The following ABLIM1 variants were observed in gnomAD, a reference collection of about 807,000 sequenced individuals.
ABLIM1 encodes the protein actin-binding LIM protein 1.
A neutral mutation model predicts 107.0 loss-of-function variants in ABLIM1; 40 were observed. That is an observed-to-expected ratio of 0.37 (90% confidence interval 0.29 to 0.49). ABLIM1 has a LOEUF of 0.49. Ranked by LOEUF, ABLIM1 falls within the 20% of genes least tolerant of loss-of-function variation. ABLIM1 has a pLI of 0.97. For missense variants in ABLIM1, 857 were observed against 1,008.5 expected, an observed-to-expected ratio of 0.85 and a Z score of 2.04; for synonymous variants, 357 against 357.3, an observed-to-expected ratio of 1.00 and a Z score of 0.01.
At chr10:114,697,070 C>T (rs2081209946) in intron 1 of ABLIM1, among the ~76,000 whole-genome samples, 1 of 152,174 alleles carries the variant, frequency 6.6e-6, no homozygotes, top group Non-Finnish European at 1.5e-5. Context: ...GGCCTCATGA[C>T]TCAGGGCACT....
intron 1 of ABLIM1, among the ~76,000 whole-genome samples, chr10:114,624,924 G>A (rs2077693049): frequency 6.6e-6 from 1 of 152,038 alleles, no homozygotes; most frequent in South Asian, 2.1e-4. Context: ...CACTTGGGTT[G>A]CTTTCTCTCA....
chr10:114,569,467 C>G (rs2071325162), intron 4 of ABLIM1, among the ~76,000 whole-genome samples: 2 of 151,898 alleles, frequency 1.3e-5, no homozygotes, highest in African/African-American at 4.8e-5. Context: ...TTACAGGTAC[C>G]CGCCACCACG....
chr10:114,657,976 A>G lies in ABLIM1; in HGVS notation c.225T>C (p.Cys75=). ...PKDYCPRGRV[C]NSVDPFVAHP... Reference sequence around the variant, plus strand: ...ACTTACCAAAAGGATCAACGCTGTTACATACACGCCCACGTGGGCAGTAGT... The same window carrying G: ...ACTTACCAAAAGGATCAACGCTGTTGCATACACGCCCACGTGGGCAGTAGT... Residue 75 remains cysteine, a synonymous_variant, in exon 1 of 23, where the codon TGT becomes TGC. Transcript: ENST00000533213. 6.2e-7 allele frequency: 1 copy of G among 1,613,630 alleles called. No individual in the cohort carries two copies. Among genetic ancestry groups the G allele is most frequent in the Non-Finnish European group, 8.5e-7 (1 of 1,179,636 alleles).
intron 6 of ABLIM1, among the ~76,000 whole-genome samples, chr10:114,499,169 C>T (rs940288917): frequency 2.0e-5 from 3 of 152,176 alleles, no homozygotes; most frequent in Non-Finnish European, 4.4e-5. Context: ...CATACAGGGA[C>T]CCTCAGTTAT....
At chr10:114,551,592 ACAAT>A (rs2068068021) in intron 4 of ABLIM1, among the ~76,000 whole-genome samples, 2 of 152,314 alleles carry the variant, frequency 1.3e-5, no homozygotes, top group Non-Finnish European at 2.9e-5. Flanking sequence ...TGACCTGCAA[ACAAT>A]CAGAGACTGA....
the ABLIM1 span, among the ~76,000 whole-genome samples, chr10:114,781,648 G>GTA: frequency 7.2e-5 from 9 of 125,368 alleles, no homozygotes; most frequent in African/African-American, 1.8e-4. Flanking sequence ...GTGTGTGTGT[G>GTA]TATATATATA....
At chr10:114,470,881 T>C (rs533580672) in intron 10 of ABLIM1, among the ~76,000 whole-genome samples, 4 of 152,280 alleles carry the variant, frequency 2.6e-5, no homozygotes, top group African/African-American at 9.6e-5. Context: ...GGTTTTTGTT[T>C]TGTTTGCTTT....
chr10:114,678,740 T>C (rs921063901), intron 1 of ABLIM1, among the ~76,000 whole-genome samples: 1 of 152,264 alleles, frequency 6.6e-6, no homozygotes, highest in East Asian at 1.9e-4. Flanking sequence ...ATAAACATCT[T>C]ATTCATTGGT....
intron 1 of ABLIM1, among the ~76,000 whole-genome samples, chr10:114,618,831 T>C (rs2140383570): frequency 6.6e-6 from 1 of 152,348 alleles, no homozygotes; most frequent in East Asian, 1.9e-4. Flanking sequence ...CATCTTTGCC[T>C]ACTTATTATG....
intron 4 of ABLIM1, among the ~76,000 whole-genome samples, chr10:114,567,998 G>C (rs112657306): frequency 7.0e-4 from 107 of 151,860 alleles, no homozygotes; most frequent in African/African-American, 2.1e-3. Flanking sequence ...AGACCATCCT[G>C]GCTAACAAGG....
intron 1 of ABLIM1, among the ~76,000 whole-genome samples, chr10:114,664,764 G>A (rs1352211112): frequency 1.3e-5 from 2 of 150,540 alleles, no homozygotes; most frequent in African/African-American, 4.9e-5. Flanking sequence ...GGCTGGTCTC[G>A]AACTCCTGGC....
chr10:114,474,028 G>T, intron 8 of ABLIM1, 72 bp from the exon 9 acceptor site: 1 of 1,183,842 alleles, frequency 8.4e-7, no homozygotes, highest in Non-Finnish European at 1.2e-6. Flanking sequence ...GGGCCCTTAA[G>T]CTTTACTAAA....
In ABLIM1 at chr10:114,601,896, C is replaced by T. The variant is rs1307969843; in HGVS notation, c.310G>A (p.Glu104Lys). 6.2e-6 allele frequency: 10 copies of T among 1,613,994 alleles called. No individual in the cohort carries two copies. The highest frequency in any genetic ancestry group is 3.3e-5 in the Admixed American group (2 of 59,998). Residue 104 changes from glutamate (E) to lysine (K), a missense_variant, in exon 2 of 23, where the codon GAG becomes AAG. Transcript: ENST00000533213. The stretch of plus-strand genomic sequence containing the variant: ...CGAAGCACTTCACCCTTGCAAGGCT[C>T]CCCACATTTATGGCAGTGAATGACA... ...KPVIHCHKCG[E>K]PCKGEVLRVQ...
At chr10:114,468,419 C>CA (rs1174865144) in intron 10 of ABLIM1, among the ~76,000 whole-genome samples, 3,566 of 53,156 alleles carry the variant, frequency 0.067, 118 homozygotes, top group African/African-American at 0.28. Context: ...GGACTACAGG[C>CA]GCCGCCACCA....
chr10:114,782,191 A>T, the ABLIM1 span, among the ~76,000 whole-genome samples: 2 of 152,132 alleles, frequency 1.3e-5, no homozygotes, highest in East Asian at 1.9e-4. Context: ...TAGCAAAAAA[A>T]ATTCTGATTT....
intron 9 of ABLIM1, 32 bp from the exon 10 acceptor site, chr10:114,473,164 T>C: frequency 1.3e-6 from 2 of 1,585,130 alleles, no homozygotes; most frequent in African/African-American, 1.3e-5. Context: ...AACAATTACC[T>C]TGTAGTCTGA....
intron 1 of ABLIM1, chr10:114,615,462 C>A: frequency 2.4e-6 from 1 of 419,120 alleles, no homozygotes; most frequent in South Asian, 1.7e-5. Flanking sequence ...AGTCTCCCTC[C>A]GACCCCCATC....
At chr10:114,495,272 T>C (rs947288433) in intron 6 of ABLIM1, among the ~76,000 whole-genome samples, 2 of 152,184 alleles carry the variant, frequency 1.3e-5, no homozygotes, top group Non-Finnish European at 2.9e-5. Flanking sequence ...CCATTTCTTT[T>C]GGAGCTGTGA....
intron 1 of ABLIM1, among the ~76,000 whole-genome samples, chr10:114,756,083 AGT>A (rs10624515): frequency 0.38 from 57,740 of 150,584 alleles, 11,930 homozygotes; most frequent in Non-Finnish European, 0.47. Context: ...TGTGTTTGTG[AGT>A]GTGTGTGTGT....
Sources: gnomAD v4.1 joint callset for allele counts (sites outside exome capture counted in the v4.1 genomes callset) on GRCh38, gnomAD v4.1.1 for gene constraint, MANE v1.5 for transcripts, NCBI Gene and HGNC (gene_info 2026-07-23, HGNC 2026-07-21) for gene names.